Variants in EPHA4 observed in about 807,000 individuals in gnomAD.
EPHA4 encodes ephrin type-A receptor 4.
In EPHA4, 19 loss-of-function variants were observed where a neutral mutation model predicts 108.3. The observed-to-expected ratio is 0.18, with a 90% confidence interval of 0.12 to 0.26. The LOEUF is 0.26. EPHA4 is among the 10% of genes least tolerant of loss of function. The probability of loss-of-function intolerance (pLI) is 1.00; values close to 1 mark genes in which losing one functional copy is unlikely to be tolerated. For missense variants in EPHA4, 917 were observed against 1,254.0 expected (o/e 0.73, Z 4.06); for synonymous variants, 449 against 455.5 (o/e 0.99, Z 0.18).
intron 5 of EPHA4, among the ~76,000 whole-genome samples, chr2:221,466,473 A>G (rs1034656713): frequency 6.6e-6 from 1 of 152,130 alleles, no homozygotes; most frequent in Non-Finnish European, 1.5e-5. Context: ...TATAATGATC[A>G]CCCTTACATT....
chr2:221,472,021 G>A (rs1047620726), intron 5 of EPHA4, among the ~76,000 whole-genome samples: 1 of 152,064 alleles, frequency 6.6e-6, no homozygotes, highest in Non-Finnish European at 1.5e-5. Flanking sequence ...GAACCCTATA[G>A]GATTGGGATT....
At chr2:221,518,103 C>G (rs568257181) in intron 3 of EPHA4, among the ~76,000 whole-genome samples, 1 of 152,144 alleles carries the variant, frequency 6.6e-6, no homozygotes, top group Non-Finnish European at 1.5e-5. Flanking sequence ...AACAGAATTT[C>G]ATCTAATTGG....
intron 5 of EPHA4, among the ~76,000 whole-genome samples, chr2:221,463,396 G>T (rs539711625): frequency 6.6e-6 from 1 of 152,088 alleles, no homozygotes; most frequent in African/African-American, 2.4e-5. Flanking sequence ...GAATGCTTTC[G>T]AAATAGAATC....
intron 3 of EPHA4, among the ~76,000 whole-genome samples, chr2:221,547,111 C>T (rs929473378): frequency 6.6e-6 from 1 of 152,208 alleles, no homozygotes; most frequent in African/African-American, 2.4e-5. Context: ...GTACCTCCAA[C>T]AGCAATTGCT....
At chr2:221,536,405 G>A (rs1693670901) in intron 3 of EPHA4, among the ~76,000 whole-genome samples, 2 of 152,292 alleles carry the variant, frequency 1.3e-5, no homozygotes, top group South Asian at 4.1e-4. Context: ...CCTGCTCACT[G>A]AAGGCTGCCC....
intron 2 of EPHA4, among the ~76,000 whole-genome samples, chr2:221,564,840 T>C (rs533178003): frequency 4.7e-4 from 65 of 139,038 alleles, no homozygotes; most frequent in African/African-American, 1.6e-3. Context: ...AAGACAATTA[T>C]CAGTTAATTA....
intron 4 of EPHA4, among the ~76,000 whole-genome samples, chr2:221,485,098 C>T (rs1691940288): frequency 6.6e-6 from 1 of 152,200 alleles, no homozygotes; most frequent in South Asian, 2.1e-4. Context: ...AATCCATTAA[C>T]CTCCTTGCCA....
chr2:221,478,029 C>T (rs2106137127), intron 5 of EPHA4, among the ~76,000 whole-genome samples: 1 of 152,152 alleles, frequency 6.6e-6, no homozygotes, highest in South Asian at 2.1e-4. Context: ...AAATGGACAA[C>T]ACCGGCCCTG....
chr2:221,497,846 G>T (rs1463049753), intron 4 of EPHA4, among the ~76,000 whole-genome samples: 3 of 152,142 alleles, frequency 2.0e-5, no homozygotes, highest in African/African-American at 7.2e-5. Context: ...TTTTAACAAT[G>T]ACACAAAAAG....
At chr2:221,533,181 A>T (rs1305388304) in intron 3 of EPHA4, among the ~76,000 whole-genome samples, 1 of 152,242 alleles carries the variant, frequency 6.6e-6, no homozygotes, top group Non-Finnish European at 1.5e-5. Context: ...GTTACATTGA[A>T]CAATGTACAT....
chr2:221,505,033 CCA>C (rs1353687198), intron 3 of EPHA4, among the ~76,000 whole-genome samples: 2 of 152,104 alleles, frequency 1.3e-5, no homozygotes, highest in Non-Finnish European at 2.9e-5. Context: ...CCTTTATCAG[CCA>C]CAAAGGCAGC....
intron 3 of EPHA4, among the ~76,000 whole-genome samples, chr2:221,556,280 T>G (rs1694297583): frequency 6.6e-6 from 1 of 152,088 alleles, no homozygotes; most frequent in Non-Finnish European, 1.5e-5. Flanking sequence ...GTGAGAAAAG[T>G]GACATTGTTT....
chr2:221,487,984 G>T (rs906701511), intron 4 of EPHA4, among the ~76,000 whole-genome samples: 3 of 151,978 alleles, frequency 2.0e-5, no homozygotes, highest in Non-Finnish European at 4.4e-5. Context: ...TAAATCTTTT[G>T]CACAGGGGCC....
chr2:221,473,530 T>C, intron 5 of EPHA4, among the ~76,000 whole-genome samples: 1 of 135,986 alleles, frequency 7.4e-6, no homozygotes, highest in Non-Finnish European at 1.5e-5. Flanking sequence ...GCATGGCTTT[T>C]GGGTTTTCAA....
At chr2:221,440,092 G>T (rs1032246810) in intron 11 of EPHA4, among the ~76,000 whole-genome samples, 3 of 152,316 alleles carry the variant, frequency 2.0e-5, no homozygotes, top group Admixed American at 6.5e-5. Flanking sequence ...TATAAAATAG[G>T]CCTGGGCTGG....
Position 221,425,829 on chromosome 2 carries a change from T to A in EPHA4, c.*199A>T. The A allele has an allele frequency of 1.7e-6, 1 of 576,474 alleles. No individual in the cohort carries two copies. The allele number at this position is 576,474 out of a possible 1,614,324, so 35.7% of individuals were successfully genotyped here. On this transcript the variant is annotated 3_prime_UTR_variant, in exon 17 of 18. Coordinates refer to ENST00000281821, the MANE Select transcript of EPHA4 (RefSeq NM_004438.5). ...AGAAACGATTTGTTCCAGGTCTCAT[T>A]CAAATGACCGGCAGTCATTTCTGTA...
chr2:221,516,080 G>A (rs2710507), intron 3 of EPHA4, among the ~76,000 whole-genome samples: 36,612 of 151,898 alleles, frequency 0.24, 5,066 homozygotes, highest in East Asian at 0.4. Flanking sequence ...TCAAGGCTGT[G>A]TTAAGGTTAC....
At chr2:221,531,398 C>T (rs888311281) in intron 3 of EPHA4, among the ~76,000 whole-genome samples, 2 of 152,030 alleles carry the variant, frequency 1.3e-5, no homozygotes, top group African/African-American at 2.4e-5. Flanking sequence ...ATGCCTGGGA[C>T]TCAAAATCCT....
chr2:221,556,489 T>TTTTG lies in EPHA4; in HGVS notation c.823+7241_823+7242insCAAA, dbSNP rs1424411940. Among the ~76,000 whole-genome samples the TTTTG allele has an allele frequency of 2.6e-5, 4 of 151,384 alleles. 1 individual carries two copies. The highest frequency in any genetic ancestry group is 4.8e-5 in the African/African-American group (2 of 41,260). The stretch of plus-strand genomic sequence containing the variant: ...TTTTTGTATTTTTTTTTTTTTTTTT[T>TTTTG]TTAGTAGAGCTGGGGTTTCAACATA... On this transcript the variant is annotated intron_variant, in intron 3 of 17. Transcript: ENST00000281821.
Sources: gnomAD v4.1 joint callset for allele counts (sites outside exome capture counted in the v4.1 genomes callset) on GRCh38, gnomAD v4.1.1 for gene constraint, MANE v1.5 for transcripts, NCBI Gene and HGNC (gene_info 2026-07-23, HGNC 2026-07-21) for gene names.